The following RPUSD3 variants were observed in gnomAD, a reference collection of about 807,000 sequenced individuals.
RPUSD3 encodes RNA pseudouridine synthase D3, also known as mitochondrial mRNA pseudouridine synthase RPUSD3.
In RPUSD3, 36 loss-of-function variants were observed where a neutral mutation model predicts 35.1. The observed-to-expected ratio is 1.02, with a 90% CI of 0.79 to 1.35. The LOEUF (loss-of-function observed/expected upper bound fraction) is 1.35, where lower values mean the gene tolerates loss of function less well. Ranked by LOEUF, RPUSD3 falls within the 40% of genes most tolerant of loss-of-function variation. The probability of loss-of-function intolerance (pLI) is 0.00; values close to 1 mark genes in which losing one functional copy is unlikely to be tolerated. For missense variants in RPUSD3, 486 were observed against 441.9 expected (o/e 1.10, Z -0.89); for synonymous variants, 202 against 187.8 (o/e 1.08, Z -0.62).
exon 9 of RPUSD3, chr3:9,837,854 T>G (rs1407564943): frequency 6.0e-6 from 4 of 669,632 alleles, no homozygotes; most frequent in African/African-American, 5.4e-5. Context: ...TAACATGAGG[T>G]AGGAACTTTT....
At chr3:9,839,301 T>C in intron 7 of RPUSD3, 130 bp from the exon 8 acceptor site, 3 of 997,030 alleles carry the variant, frequency 3.0e-6, no homozygotes, top group Non-Finnish European at 4.3e-6. Context: ...GTGAGGTCAG[T>C]ACTATGGCCC....
At chr3:9,841,907 C>T (rs2082109461) in intron 4 of RPUSD3, 76 bp downstream of exon 4, 2 of 1,216,636 alleles carry the variant, frequency 1.6e-6, no homozygotes, top group Non-Finnish European at 2.4e-6. Flanking sequence ...AATGTCTCAG[C>T]TTATCCCCAA....
At chr3:9,839,944 G>T in intron 7 of RPUSD3, 2 of 415,472 alleles carry the variant, frequency 4.8e-6, no homozygotes, top group Non-Finnish European at 8.8e-6. Context: ...GCAGTGGCAT[G>T]ATCTTGGCTC....
chr3:9,842,740 A>T (rs1377032336), intron 2 of RPUSD3: 1 of 162,178 alleles, frequency 6.2e-6, no homozygotes, highest in Non-Finnish European at 1.4e-5. Flanking sequence ...TATGTTCAAG[A>T]AATAGTTGAG....
chr3:9,840,435 A>T (rs2082086153), intron 6 of RPUSD3, 97 bp downstream of exon 6: 2 of 1,599,036 alleles, frequency 1.3e-6, no homozygotes, highest in South Asian at 2.2e-5. Context: ...GTTTTAGGGG[A>T]CAGGAGAGCC....
At chr3:9,840,217 C>G (rs1305184649) in exon 7 of RPUSD3, 13 of 1,613,830 alleles carry the variant, frequency 8.1e-6, no homozygotes, top group African/African-American at 1.3e-5. Context: ...AGGGCACAGC[C>G]AGAGCCTGTG....
chr3:9,842,362 A>T (rs2082117004), intron 2 of RPUSD3, 119 bp from the exon 3 acceptor site: 1 of 940,118 alleles, frequency 1.1e-6, no homozygotes, highest in Non-Finnish European at 1.8e-6. Flanking sequence ...TGACTCTCAG[A>T]CATGAGTTAA....
In RPUSD3 at chr3:9,842,098, G is replaced by C. The variant is rs1185722143; in HGVS notation, c.308-16C>G. Reference sequence around the variant, plus strand: ...CCTGGTTTTCCTGGAAAGTAAGAAAGAAAAATTACAAGAGGCCAAAGCTTC... The same window carrying C: ...CCTGGTTTTCCTGGAAAGTAAGAAACAAAAATTACAAGAGGCCAAAGCTTC... On this transcript the variant is annotated splice_polypyrimidine_tract_variant and intron_variant, in intron 3 of 8. Coordinates refer to ENST00000383820, the Ensembl canonical transcript of RPUSD3. The C allele has an allele frequency of 3.7e-6, 6 of 1,609,376 alleles. No homozygotes were observed. The highest frequency in any genetic ancestry group is 5.1e-6 in the Non-Finnish European group (6 of 1,176,962).
Position 9,838,215 on chromosome 3 carries a change from G to A in RPUSD3, c.865-8C>T, listed in dbSNP as rs371769095. On this transcript the variant is annotated splice_polypyrimidine_tract_variant and splice_region_variant and intron_variant, in intron 8 of 8. Transcript: ENST00000383820. The stretch of plus-strand genomic sequence containing the variant: ...GAGGGCTTCATCCAGGACCTGGAGC[G>A]GGAGAGGTACGTTGTGTTCAGCCCC... 4.7e-4 allele frequency: 763 copies of A among 1,611,736 alleles called. 2 individuals carry two copies. The highest frequency in any genetic ancestry group is 5.6e-4 in the Non-Finnish European group (662 of 1,179,718).
In RPUSD3 at chr3:9,839,034, G is replaced by A. The variant is rs780599324; in HGVS notation, c.862C>T (p.Gln288Ter). The A allele has an allele frequency of 1.2e-6, 2 of 1,614,060 alleles. No individual in the cohort carries two copies. Among genetic ancestry groups the A allele is most frequent in the Non-Finnish European group, 1.7e-6 (2 of 1,180,020 alleles). ...AGCAGGCAGGTGGGCTGGAGTACCT[G>A]TCTTTGGGGCTTGTTGTTCTCAGCT... The change falls in exon 8 of 9, where the codon CAG (glutamine) becomes TAG (stop). Residue 288 changes from glutamine (Q) to a stop codon, truncating the protein, a stop_gained and splice_region_variant. Transcript: ENST00000383820. LOFTEE classifies it low-confidence loss of function (END_TRUNC).
intron 8 of RPUSD3, 37 bp downstream of exon 8, chr3:9,838,995 A>C: frequency 6.2e-7 from 1 of 1,613,462 alleles, no homozygotes; most frequent in Non-Finnish European, 8.5e-7. Flanking sequence ...CTCTCCCTCC[A>C]CCCCTCAGAA....
At chr3:9,841,985 C>T (rs1207901583) in exon 4 of RPUSD3, 8 of 1,613,890 alleles carry the variant, frequency 5.0e-6, no homozygotes, top group Non-Finnish European at 5.9e-6. Flanking sequence ...CCACTTACTT[C>T]CCAGATGCTC....
Position 9,842,090 on chromosome 3 carries a change from G to GT in RPUSD3, c.308-9dup, listed in dbSNP as rs1559236345. ...TCAGCTCTCCTGGTTTTCCTGGAAAGTAAGAAAGAAAAATTACAAGAGGCC... is the reference window on the plus strand; with the variant it reads ...TCAGCTCTCCTGGTTTTCCTGGAAAGTTAAGAAAGAAAAATTACAAGAGGCC... On this transcript the variant is annotated splice_polypyrimidine_tract_variant and intron_variant, in intron 3 of 8. Coordinates refer to ENST00000383820, the Ensembl canonical transcript of RPUSD3. 3 of 1,609,722 alleles carry GT rather than the reference G, an allele frequency of 1.9e-6. No homozygotes were observed. In the Admixed American group the frequency reaches 5.0e-5, roughly 27 times the overall value.
chr3:9,840,790 A>G lies in RPUSD3; in HGVS notation c.423T>C (p.Leu141=), dbSNP rs764354003. ...TCTGGGGACAGCTGGAGAGGAGTAC[A>G]AGCCCAGAGCTTTCTCTGGAATAAG... The change falls in exon 5 of 9, where the codon CTT becomes CTC. Residue 141 remains leucine (L), a synonymous_variant. Coordinates refer to ENST00000383820, the Ensembl canonical transcript of RPUSD3. 2.5e-5 allele frequency: 41 copies of G among 1,613,870 alleles called. No individual in the cohort carries two copies. In the Middle Eastern group the frequency reaches 1.2e-3, roughly 45 times the overall value.
chr3:9,840,995 C>G (rs2082095354), intron 4 of RPUSD3, 190 bp from the exon 5 acceptor site: 1 of 440,250 alleles, frequency 2.3e-6, no homozygotes, highest in Admixed American at 4.1e-5. Context: ...ATGTGTTTCT[C>G]ATTTTGCCCC....
rs1423766661 is a variant in RPUSD3 at position 9,843,522 on chromosome 3, T to C, written c.205A>G (p.Asn69Asp). ...TCAACCAGCTCCTCCCGACTGAGGT[T>C]TTTTGGCAGCAGCCCCGCGAAGGGC... The change falls in exon 2 of 9, where the codon AAC becomes GAC. Residue 69 changes from asparagine to aspartate, a missense_variant. Asn to Asp is a conservative substitution (Grantham distance 23). Coordinates refer to ENST00000383820, the Ensembl canonical transcript of RPUSD3. 4 of 1,613,954 alleles carry C rather than the reference T, an allele frequency of 2.5e-6. 1 individual carries two copies. The South Asian group carries it at 4.4e-5, about 18-fold the overall frequency.
exon 6 of RPUSD3, chr3:9,840,582 C>T (rs2082088487): frequency 1.2e-6 from 2 of 1,614,058 alleles, no homozygotes; most frequent in South Asian, 1.1e-5. Context: ...TGGATCTTCC[C>T]CTCAGAAGCA....
chr3:9,839,074 C>T (rs2082064618), exon 8 of RPUSD3: 7 of 1,614,130 alleles, frequency 4.3e-6, no homozygotes, highest in African/African-American at 1.3e-5. Context: ...GCAGAAATCG[C>T]TGGCCCAGGA....
chr3:9,843,360 G>T, intron 2 of RPUSD3, 105 bp downstream of exon 2: 4 of 1,511,528 alleles, frequency 2.6e-6, no homozygotes, highest in Non-Finnish European at 2.7e-6. Flanking sequence ...TGCTGCTAGT[G>T]GGAGGCAGAA....
Sources: allele counts gnomAD v4.1 joint callset, GRCh38; gene constraint gnomAD v4.1.1; transcripts MANE v1.5; gene names NCBI Gene and HGNC (gene_info 2026-07-23, HGNC 2026-07-21).